Variants in AFG2B observed in about 807,000 individuals in gnomAD.
AFG2B encodes the protein ATPase family gene 2 protein homolog B.
At chr15:45,418,755 G>T in the AFG2B span, 5 of 1,568,362 alleles carry the variant, frequency 3.2e-6, no homozygotes, top group Non-Finnish European at 4.3e-6. Flanking sequence ...TCACTCAGCA[G>T]TATTTACTAA....
the AFG2B span, chr15:45,410,625 T>C: frequency 8.5e-7 from 1 of 1,179,240 alleles, no homozygotes; most frequent in Non-Finnish European, 1.2e-6. Flanking sequence ...CTGCTCTTGC[T>C]CCTATCACTA....
the AFG2B span, chr15:45,407,303 G>T: frequency 9.3e-7 from 1 of 1,075,226 alleles, no homozygotes; most frequent in Non-Finnish European, 1.2e-6. Flanking sequence ...GCAGATAAGG[G>T]ATACCTTACA....
At chr15:45,420,961 C>T in the AFG2B span, 1 of 1,446,812 alleles carries the variant, frequency 6.9e-7, no homozygotes, top group Non-Finnish European at 9.3e-7. Flanking sequence ...CACTGCACTC[C>T]AGCCTGGGCA....
At chr15:45,417,155 G>T in the AFG2B span, 4 of 1,304,584 alleles carry the variant, frequency 3.1e-6, no homozygotes, top group South Asian at 1.5e-5. Flanking sequence ...AAGCATTCTG[G>T]TCCCAAGAAA....
chr15:45,414,298 G>C, the AFG2B span, among the ~76,000 whole-genome samples: 1 of 152,178 alleles, frequency 6.6e-6, no homozygotes, highest in African/African-American at 2.4e-5. Flanking sequence ...GTGTTTAGGA[G>C]ACAGTCAGAT....
At chr15:45,415,526 A>G in the AFG2B span, 327 of 1,322,276 alleles carry the variant, frequency 2.5e-4, no homozygotes, top group Admixed American at 4.2e-4. Flanking sequence ...GATTATAAAT[A>G]GTAATATCAC....
chr15:45,415,586 G>C, the AFG2B span: 1 of 1,609,028 alleles, frequency 6.2e-7, no homozygotes, highest in Non-Finnish European at 8.5e-7. Context: ...CCTAACAAAA[G>C]ATATTTCGAC....
At chr15:45,406,038 T>C in the AFG2B span, among the ~76,000 whole-genome samples, 1 of 152,278 alleles carries the variant, frequency 6.6e-6, no homozygotes, top group African/African-American at 2.4e-5. Flanking sequence ...TAAGTGTATA[T>C]TTCTGAAAAA....
the AFG2B span, chr15:45,402,694 A>G: frequency 6.4e-7 from 1 of 1,571,336 alleles, no homozygotes; most frequent in Admixed American, 1.8e-5. Context: ...CGGGGCGTCG[A>G]GATCCCGGAG....
At chr15:45,417,429 G>A in the AFG2B span, 7 of 1,609,506 alleles carry the variant, frequency 4.3e-6, no homozygotes, top group Admixed American at 5.0e-5. Context: ...CTCTGTGTGA[G>A]CTCAGCAGAA....
chr15:45,402,565 G>A, the AFG2B span: 6 of 1,582,406 alleles, frequency 3.8e-6, no homozygotes, highest in Non-Finnish European at 5.1e-6. Context: ...CTTGGGCTCG[G>A]CAGTGAAGAT....
the AFG2B span, chr15:45,402,692 C>T: frequency 5.1e-6 from 8 of 1,572,234 alleles, no homozygotes; most frequent in African/African-American, 1.4e-5. Flanking sequence ...GTCGGGGCGT[C>T]GAGATCCCGG....
chr15:45,402,434 C>G, the AFG2B span: 3 of 1,602,728 alleles, frequency 1.9e-6, no homozygotes. Flanking sequence ...TGTGCGATGG[C>G]TCCGGACTCG....
chr15:45,403,349 C>T, the AFG2B span: 7 of 1,608,846 alleles, frequency 4.4e-6, no homozygotes, highest in Admixed American at 8.4e-5. Context: ...GAGATGGACG[C>T]CTTGTGTCCC....
chr15:45,411,889 G>T, the AFG2B span, among the ~76,000 whole-genome samples: 1 of 151,764 alleles, frequency 6.6e-6, no homozygotes, highest in Non-Finnish European at 1.5e-5. Context: ...CTGAGGTCAG[G>T]AATTAGAAAC....
chr15:45,403,086 G>A, the AFG2B span: 3 of 1,526,762 alleles, frequency 2.0e-6, no homozygotes, highest in Non-Finnish European at 2.6e-6. Context: ...TCCGCCTCCC[G>A]CTCCGCTACC....
the AFG2B span, chr15:45,402,359 C>T: frequency 5.1e-5 from 78 of 1,543,658 alleles, no homozygotes; most frequent in Non-Finnish European, 6.5e-5. Flanking sequence ...CCTGCGAGCT[C>T]GGTGTTCCGC....
the AFG2B span, chr15:45,405,390 T>C: frequency 6.2e-7 from 1 of 1,614,104 alleles, no homozygotes; most frequent in Non-Finnish European, 8.5e-7. Flanking sequence ...AAGATGCCCA[T>C]CTCCAGTCAT....
At chr15:45,417,352 C>A in the AFG2B span, 1 of 1,614,002 alleles carries the variant, frequency 6.2e-7, no homozygotes, top group Non-Finnish European at 8.5e-7. Context: ...TTTGTTACGA[C>A]CTGGAAGATT....
Sources: allele counts gnomAD v4.1 joint callset (sites outside exome capture counted in the v4.1 genomes callset), GRCh38; gene constraint gnomAD v4.1.1; transcripts MANE v1.5; gene names NCBI Gene and HGNC (gene_info 2026-07-23, HGNC 2026-07-21).